PLEKHG7: variants seen among roughly 807,000 people sequenced by gnomAD.
The protein encoded by PLEKHG7 is pleckstrin homology domain-containing family G member 7.
A neutral mutation model predicts 85.2 loss-of-function variants in PLEKHG7; 77 were observed. The observed-to-expected ratio is 0.90, with a 90% CI of 0.75 to 1.09. The LOEUF (loss-of-function observed/expected upper bound fraction) is 1.09. Ranked by LOEUF, PLEKHG7 falls within the 50% of genes least tolerant of loss-of-function variation. The pLI, the probability that PLEKHG7 is intolerant of heterozygous loss-of-function variation, is 0.00. For missense variants in PLEKHG7, 777 were observed against 804.3 expected, an observed-to-expected ratio of 0.97 and a Z score of 0.41; for synonymous variants, 301 against 302.4, an observed-to-expected ratio of 1.00 and a Z score of 0.05.
chr12:92,748,159 T>C (rs780063546), intron 10 of PLEKHG7, among the ~76,000 whole-genome samples: 1 of 152,120 alleles, frequency 6.6e-6, no homozygotes, highest in Non-Finnish European at 1.5e-5. Context: ...CCCATAAATA[T>C]GTACAATTGT....
rs1210929121 is a variant in PLEKHG7 at position 92,706,677 on chromosome 12, T to A, written c.46T>A (p.Cys16Ser). Residue 16 changes from cysteine (C) to serine (S), a missense_variant, in exon 2 of 17, where the codon TGT (cysteine) becomes AGT (serine). Coordinates refer to ENST00000344636, the MANE Select transcript of PLEKHG7 (RefSeq NM_001377329.1). Reference protein sequence around the residue: ...SFCPEVPPQDCGASPRPSLRS... With the variant: ...SFCPEVPPQDSGASPRPSLRS... ...CTGTCCAGAGGTGCCACCCCAAGACTGTGGAGCCTCTCCTCGGCCCTCGCT... is the reference window on the plus strand; with the variant it reads ...CTGTCCAGAGGTGCCACCCCAAGACAGTGGAGCCTCTCCTCGGCCCTCGCT... 1 of 1,614,140 alleles carries A rather than the reference T, an allele frequency of 6.2e-7. No homozygotes were observed. Among genetic ancestry groups the A allele is most frequent in the East Asian group, 2.2e-5 (1 of 44,878 alleles).
intron 10 of PLEKHG7, among the ~76,000 whole-genome samples, chr12:92,747,442 C>G (rs2136612626): frequency 6.6e-6 from 1 of 152,226 alleles, no homozygotes; most frequent in South Asian, 2.1e-4. Flanking sequence ...GAAAAGGGAA[C>G]TTTTGTACAC....
chr12:92,720,180 A>C (rs991978470), intron 3 of PLEKHG7, among the ~76,000 whole-genome samples: 1 of 152,166 alleles, frequency 6.6e-6, no homozygotes, highest in African/African-American at 2.4e-5. Context: ...GCAGAGCCAC[A>C]CTTCCCCTGA....
intron 3 of PLEKHG7, among the ~76,000 whole-genome samples, chr12:92,715,904 G>A (rs1871473447): frequency 6.6e-6 from 1 of 152,118 alleles, no homozygotes; most frequent in Non-Finnish European, 1.5e-5. Flanking sequence ...GGCCCACAAA[G>A]CCTAAAATGT....
intron 14 of PLEKHG7, among the ~76,000 whole-genome samples, chr12:92,763,063 G>A (rs1035519147): frequency 1.3e-5 from 2 of 152,018 alleles, no homozygotes; most frequent in Non-Finnish European, 1.5e-5. Flanking sequence ...TGACCTTCAC[G>A]TCAAATAGTG....
At chr12:92,767,510 T>C (rs868309286) in intron 15 of PLEKHG7, among the ~76,000 whole-genome samples, 40 of 146,978 alleles carry the variant, frequency 2.7e-4, no homozygotes, top group South Asian at 4.2e-4. Flanking sequence ...TTTTTTTTTT[T>C]CCCCAGAAAG....
intron 5 of PLEKHG7, 49 bp from the exon 6 acceptor site, chr12:92,736,433 A>G (rs1305331777): frequency 9.0e-7 from 1 of 1,107,842 alleles, no homozygotes. Flanking sequence ...AAGTCATGTC[A>G]TTAAAGAATC....
intron 3 of PLEKHG7, among the ~76,000 whole-genome samples, chr12:92,714,978 T>C (rs897222778): frequency 2.0e-5 from 3 of 151,968 alleles, no homozygotes; most frequent in African/African-American, 7.3e-5. Context: ...TGTACCAAAA[T>C]CTGTATTAGT....
At chr12:92,763,774 G>A (rs530807162) in intron 14 of PLEKHG7, among the ~76,000 whole-genome samples, 4 of 152,078 alleles carry the variant, frequency 2.6e-5, no homozygotes, top group East Asian at 1.9e-4. Context: ...AGCTGAGATC[G>A]CACCACTGTA....
intron 6 of PLEKHG7, among the ~76,000 whole-genome samples, 191 bp downstream of exon 6, chr12:92,736,768 G>A (rs540198992): frequency 7.2e-5 from 11 of 152,288 alleles, no homozygotes; most frequent in South Asian, 2.1e-4. Context: ...GGGGAAAGTC[G>A]TTTTATCTTA....
chr12:92,769,040 T>C lies in PLEKHG7; in HGVS notation c.1928T>C (p.Ile643Thr), dbSNP rs756262126. 7 of 1,603,598 alleles carry C rather than the reference T, an allele frequency of 4.4e-6. No individual in the cohort carries two copies. The highest frequency in any genetic ancestry group is 3.4e-5 in the Admixed American group (2 of 59,628). ...CACGAAAACAGATATCGACAGTGTATAGCAGCATTCTTATTACAAGCCCAA... is the reference window on the plus strand; with the variant it reads ...CACGAAAACAGATATCGACAGTGTACAGCAGCATTCTTATTACAAGCCCAA... ...IQHENRYRQC[I>T]AAFLLQAQTE... The change falls in exon 16 of 17, where the codon ATA (isoleucine) becomes ACA (threonine). Residue 643 changes from isoleucine (I) to threonine (T), a missense_variant. Ile to Thr is a moderately conservative substitution (Grantham distance 89). Transcript: ENST00000344636.
At chr12:92,723,868 A>C (rs1204204721) in intron 3 of PLEKHG7, among the ~76,000 whole-genome samples, 1 of 152,162 alleles carries the variant, frequency 6.6e-6, no homozygotes, top group African/African-American at 2.4e-5. Flanking sequence ...TCTCCGGGGA[A>C]TAGAAAACCA....
chr12:92,724,600 G>A (rs1316497141), intron 3 of PLEKHG7, among the ~76,000 whole-genome samples: 2 of 152,168 alleles, frequency 1.3e-5, no homozygotes, highest in Non-Finnish European at 2.9e-5. Flanking sequence ...CAAGATCCCA[G>A]GCACCTGTTT....
chr12:92,710,997 A>G (rs992943696), intron 3 of PLEKHG7, among the ~76,000 whole-genome samples: 10 of 152,038 alleles, frequency 6.6e-5, no homozygotes, highest in African/African-American at 1.9e-4. Context: ...CCCTTCCCCA[A>G]ATTTCTTTGT....
intron 10 of PLEKHG7, among the ~76,000 whole-genome samples, chr12:92,748,553 G>C (rs4760493): frequency 0.43 from 65,200 of 151,902 alleles, 15,070 homozygotes; most frequent in East Asian, 0.89. Flanking sequence ...CAGCTCACAT[G>C]ATGCTTTTAT....
At chr12:92,749,030 G>T (rs1872613613) in intron 10 of PLEKHG7, among the ~76,000 whole-genome samples, 1 of 152,192 alleles carries the variant, frequency 6.6e-6, no homozygotes, top group Non-Finnish European at 1.5e-5. Context: ...TTGTTCTAGG[G>T]CAGAGGTAGG....
Position 92,745,539 on chromosome 12 carries a change from T to C in PLEKHG7, c.1199T>C (p.Ile400Thr), listed in dbSNP as rs1385927949. ...QTYCLNYSAAIFYLESLRQRD... is the reference protein window; with the variant it reads ...QTYCLNYSAATFYLESLRQRD... ...TACTGCCTGAACTATTCAGCTGCTA[T>C]CTTTTATCTTGAGAGCCTGAGGCAG... Residue 400 changes from isoleucine (I) to threonine (T), a missense_variant, in exon 10 of 17, where the codon ATC becomes ACC. Ile to Thr is a moderately conservative substitution (Grantham distance 89). Around this residue, in one of 3 missense-constraint regions of PLEKHG7, gnomAD observed 520 missense variants for 544.0 expected, o/e 0.96. Coordinates refer to ENST00000344636, the MANE Select transcript of PLEKHG7 (RefSeq NM_001377329.1). 5 of 1,614,048 alleles carry C rather than the reference T, an allele frequency of 3.1e-6. No homozygotes were observed. Among genetic ancestry groups the C allele is most frequent in the Non-Finnish European group, 4.2e-6 (5 of 1,179,914 alleles).
chr12:92,727,184 G>A (rs1307531261), intron 3 of PLEKHG7, among the ~76,000 whole-genome samples: 4 of 152,126 alleles, frequency 2.6e-5, no homozygotes, highest in African/African-American at 9.7e-5. Context: ...CAGGCAGCTC[G>A]CAGCCATTCT....
At chr12:92,751,393 T>A (rs1488171499) in intron 10 of PLEKHG7, among the ~76,000 whole-genome samples, 1 of 152,022 alleles carries the variant, frequency 6.6e-6, no homozygotes, top group African/African-American at 2.4e-5. Context: ...GTAGACAGAG[T>A]CTTGCTCTGT....
Sources: allele counts gnomAD v4.1 joint callset (sites outside exome capture counted in the v4.1 genomes callset), GRCh38; gene constraint gnomAD v4.1.1; regional missense constraint gnomAD v4.1.1; transcripts MANE v1.5; gene names NCBI Gene and HGNC (gene_info 2026-07-23, HGNC 2026-07-21).